NDRG4: variants seen among roughly 807,000 people sequenced by gnomAD.
NDRG4 encodes NDRG family member 4.
NDRG4 carries 38 observed loss-of-function variants against 55.8 expected under a neutral mutation model. The observed-to-expected ratio is 0.68, with a 90% confidence interval of 0.53 to 0.89. The LOEUF (loss-of-function observed/expected upper bound fraction) is 0.89. Ranked by LOEUF, NDRG4 falls within the 40% of genes least tolerant of loss-of-function variation. The pLI is 0.00. For synonymous variants in NDRG4, 190 were observed against 182.7 expected (o/e 1.04, Z -0.32); for missense variants, 455 against 468.6 (o/e 0.97, Z 0.27).
chr16:58,506,778 C>T, intron 7 of NDRG4, 134 bp from the exon 8 acceptor site: 4 of 1,156,044 alleles, frequency 3.5e-6, no homozygotes, highest in Non-Finnish European at 3.8e-6. Flanking sequence ...CACCTCCTAC[C>T]TGCCCCCACC....
chr16:58,504,738 TGAG>T, intron 5 of NDRG4, 89 bp downstream of exon 5: 1 of 1,429,682 alleles, frequency 7.0e-7, no homozygotes, highest in Non-Finnish European at 9.9e-7. Flanking sequence ...CCTTCAGCCT[TGAG>T]GAAGTGTCCC....
chr16:58,480,226 T>G (rs2034228936), intron 1 of NDRG4, among the ~76,000 whole-genome samples: 1 of 152,210 alleles, frequency 6.6e-6, no homozygotes, highest in African/African-American at 2.4e-5. Flanking sequence ...GTTCAAGCAA[T>G]TCTCTTGCCT....
rs1597001869 is a variant in NDRG4 at position 58,464,336 on chromosome 16, G to A, written c.-24+539G>A. 9 of 1,156,594 alleles carry A rather than the reference G, an allele frequency of 7.8e-6. No homozygotes were observed. Among genetic ancestry groups the A allele is most frequent in the Admixed American group, 8.3e-5 (2 of 24,228 alleles). The allele number at this position is 1,156,594 out of a possible 1,614,324, so 71.6% of individuals were successfully genotyped here. On this transcript the variant is annotated intron_variant, in intron 1 of 15. Transcript: ENST00000258187. This position sits in a 1 kb window ranked among gnomAD's most constrained non-coding sequence, Gnocchi z 4.8. ...CCGCTTCGCTCCGCGCTCTCCTGCCGCTCCGCTCCGGGTCTCCCGCGCTCC... is the reference window on the plus strand; with the variant it reads ...CCGCTTCGCTCCGCGCTCTCCTGCCACTCCGCTCCGGGTCTCCCGCGCTCC...
chr16:58,474,028 CTTTTTTTTTTTTTTTT>C (rs1168834628), intron 1 of NDRG4, among the ~76,000 whole-genome samples: 3 of 101,172 alleles, frequency 3.0e-5, no homozygotes, highest in African/African-American at 8.3e-5. Context: ...TTTTCTTTCC[CTTTTTTTTTTTTTTTT>C]TTTTTTTTTT....
At chr16:58,493,250 T>C (rs906237881) in intron 2 of NDRG4, among the ~76,000 whole-genome samples, 3 of 152,206 alleles carry the variant, frequency 2.0e-5, no homozygotes, top group Admixed American at 6.5e-5. Context: ...ACTGTCTCAG[T>C]CATCCGTGGT....
rs1440681849 is a variant in NDRG4, at chr16:58,512,461, T to G, written c.*885T>G. The G allele has an allele frequency of 4.1e-6, 1 of 242,334 alleles. No individual in the cohort carries two copies. The highest frequency in any genetic ancestry group is 8.2e-6 in the Non-Finnish European group (1 of 121,834). 15.0% of individuals were successfully genotyped at this position (242,334 alleles called of 1,614,324 possible). ...GGTAGCTGAGTTCCTGGAGACCCCT[T>G]TTTTGCCCCCAGGTTCCCCAGAGGG... On this transcript the variant is annotated 3_prime_UTR_variant, in exon 15 of 15. Coordinates refer to ENST00000570248, the MANE Select transcript of NDRG4 (RefSeq NM_001242835.2).
At chr16:58,475,572 ATAAG>A (rs1382567651) in intron 1 of NDRG4, 5 of 454,736 alleles carry the variant, frequency 1.1e-5, no homozygotes, top group Admixed American at 2.4e-5. Flanking sequence ...CATGGTAATA[ATAAG>A]TAAGATAAAA....
At chr16:58,475,383 A>G (rs1482621580) in intron 1 of NDRG4, among the ~76,000 whole-genome samples, 3 of 152,178 alleles carry the variant, frequency 2.0e-5, no homozygotes, top group Non-Finnish European at 4.4e-5. Flanking sequence ...GAATGGCATC[A>G]TGGATTATGC....
intron 2 of NDRG4, among the ~76,000 whole-genome samples, chr16:58,490,310 C>T (rs1313304315): frequency 6.6e-6 from 1 of 151,860 alleles, no homozygotes; most frequent in African/African-American, 2.4e-5. Context: ...CCTCTGTGGT[C>T]CAGCAGGGCC....
chr16:58,502,276 G>A (rs2037265855), intron 1 of NDRG4: 1 of 337,958 alleles, frequency 3.0e-6, no homozygotes, highest in Non-Finnish European at 6.0e-6. Flanking sequence ...TGGGCCCCGA[G>A]AAAGGATAGG....
chr16:58,509,461 G>A, intron 13 of NDRG4, 109 bp downstream of exon 13: 1 of 1,183,782 alleles, frequency 8.4e-7, no homozygotes, highest in East Asian at 2.4e-5. Context: ...GGTGGTAGTA[G>A]GGAGCCCATA....
chr16:58,510,956 G>A (rs1317850912), intron 14 of NDRG4: 1 of 564,854 alleles, frequency 1.8e-6, no homozygotes, highest in Non-Finnish European at 3.2e-6. Flanking sequence ...CTTAGAGGTA[G>A]AGCCCAGGCC....
chr16:58,501,403 C>T (rs2151778953), intron 1 of NDRG4: 2 of 253,332 alleles, frequency 7.9e-6, no homozygotes, highest in East Asian at 1.4e-4. Context: ...CCCTCCCCTG[C>T]TGCCGCAGTG....
At chr16:58,506,181 CAATGAT>C in intron 5 of NDRG4, 200 bp from the exon 6 acceptor site, 1 of 604,188 alleles carries the variant, frequency 1.7e-6, no homozygotes, top group Non-Finnish European at 3.0e-6. Flanking sequence ...GGGGTGGAAA[CAATGAT>C]AGAGATTCTA....
Position 58,473,990 on chromosome 16 carries a change from T to C in NDRG4, c.-24+10193T>C, listed in dbSNP as rs995535719. On this transcript the variant is annotated intron_variant, in intron 1 of 15. Transcript: ENST00000258187. ...CTCCTCCCCTCCTGGCTCACTCTGC[T>C]CCAGCCACCCTGGTTTTTTCACTTT... Among the ~76,000 whole-genome samples, 3 of 149,364 alleles carry C rather than the reference T, an allele frequency of 2.0e-5. No individual in the cohort carries two copies. In the South Asian group the frequency reaches 6.4e-4, roughly 32 times the overall value.
chr16:58,500,099 G>T, upstream of NDRG4: 1 of 1,517,294 alleles, frequency 6.6e-7, no homozygotes, highest in Non-Finnish European at 8.8e-7. Context: ...TAGCTAGGCT[G>T]GGCCAGGATC....
chr16:58,505,372 AT>A (rs1458820493), intron 5 of NDRG4, among the ~76,000 whole-genome samples: 2 of 151,434 alleles, frequency 1.3e-5, no homozygotes, highest in Non-Finnish European at 2.9e-5. Context: ...AATAAAAAAA[AT>A]CATTGTTGGG....
In NDRG4 at chr16:58,511,470, T is replaced by G; in HGVS notation, c.953T>G (p.Leu318Arg). 1 of 1,612,748 alleles carries G rather than the reference T, an allele frequency of 6.2e-7. No individual in the cohort carries two copies. The highest frequency in any genetic ancestry group is 8.5e-7 in the Non-Finnish European group (1 of 1,179,896). ...TRLARSRTASLTSASSVDGSR... is the reference protein window; with the variant it reads ...TRLARSRTASRTSASSVDGSR... The stretch of plus-strand genomic sequence containing the variant: ...CTGGCACGCTCCCGCACTGCATCCC[T>G]CACCAGTGCCAGCTCGGTGGATGGC... The change falls in exon 15 of 15, where the codon CTC (leucine) becomes CGC (arginine). Residue 318 changes from leucine (L) to arginine (R), a missense_variant. Coordinates refer to ENST00000570248, the MANE Select transcript of NDRG4 (RefSeq NM_001242835.2).
rs2038816359 is a variant in NDRG4 at position 58,511,607 on chromosome 16, CG to C, written c.*32del. ...TTGATCCCGCTGACGACGCCCACGT[CG>C]AGGCCCCACCGCCATCCTTGCGCCG... On this transcript the variant is annotated 3_prime_UTR_variant, in exon 15 of 15. Coordinates refer to ENST00000570248, the MANE Select transcript of NDRG4 (RefSeq NM_001242835.2). The C allele has an allele frequency of 6.2e-7, 1 of 1,612,754 alleles. No homozygotes were observed. The highest frequency in any genetic ancestry group is 2.2e-5 in the East Asian group (1 of 44,870).
Sources: gnomAD v4.1 joint callset for allele counts (sites outside exome capture counted in the v4.1 genomes callset) on GRCh38, gnomAD v4.1.1 for gene constraint, Gnocchi (gnomAD v3.1) non-coding constraint, MANE v1.5 for transcripts, NCBI Gene and HGNC (gene_info 2026-07-23, HGNC 2026-07-21) for gene names.